Variants in AMACR observed in about 807,000 individuals in gnomAD.
AMACR encodes the protein alpha-methylacyl-CoA racemase, also known as 2-methylacyl-CoA racemase.
AMACR carries 18 observed loss-of-function variants against 22.2 expected under a neutral mutation model. The observed-to-expected ratio is 0.81, with a 90% confidence interval of 0.56 to 1.20. The LOEUF is 1.20. AMACR is among the 50% of genes most tolerant of loss of function. The pLI is 0.00. For synonymous variants in AMACR, 213 were observed against 191.3 expected (o/e 1.11, Z -0.94); for missense variants, 499 against 490.6 (o/e 1.02, Z -0.16).
chr5:34,005,950 G>C, intron 1 of AMACR, 51 bp from the exon 2 acceptor site: 1 of 1,598,600 alleles, frequency 6.3e-7, no homozygotes, highest in Non-Finnish European at 8.6e-7. Flanking sequence ...TGAGGATGGA[G>C]ATAATCCCTT....
In AMACR at chr5:33,987,527, C is replaced by A. The variant is rs1013155032; in HGVS notation, c.*1566G>T. The stretch of plus-strand genomic sequence containing the variant: ...GAAACTCAACATCTGTCAGACATCA[C>A]GTGAACTACTAGTGAGGTAGTTCAT... On this transcript the variant is annotated 3_prime_UTR_variant, in exon 5 of 5. Coordinates refer to ENST00000335606, the MANE Select transcript of AMACR (RefSeq NM_014324.6). The A allele has an allele frequency of 6.6e-6, 1 of 152,194 alleles. No homozygotes were observed. Among genetic ancestry groups the A allele is most frequent in the Non-Finnish European group, 1.5e-5 (1 of 68,038 alleles). The allele number at this position is 152,194 out of a possible 1,614,324, so 9.4% of individuals were successfully genotyped here. A position where few individuals can be genotyped will look rare whatever the true frequency, so the allele number is the denominator to read the frequency against.
In AMACR at chr5:34,005,768, A is replaced by T; in HGVS notation, c.379T>A (p.Leu127Met). 6.2e-7 allele frequency: 1 copy of T among 1,614,192 alleles called. No individual in the cohort carries two copies. Among genetic ancestry groups the T allele is most frequent in the Non-Finnish European group, 8.5e-7 (1 of 1,180,044 alleles). Residue 127 changes from leucine to methionine, a missense_variant, in exon 2 of 5, where the codon TTG becomes ATG. By Grantham distance (15) the Leu-to-Met change is conservative. Transcript: ENST00000335606. ...CRLAGHDINY[L>M]ALSGVLSKIG... ...TTTTTCAACATACCTGACAAAGCCA[A>T]ATAGTTGATATCGTGGCCAGCTAAC...
intron 4 of AMACR, 31 bp downstream of exon 4, chr5:33,998,610 G>C: frequency 6.4e-7 from 1 of 1,572,404 alleles, no homozygotes; most frequent in South Asian, 1.2e-5. Flanking sequence ...AGCAAAAGGG[G>C]AACTGGGGGA....
chr5:34,005,786 C>A lies in AMACR; in HGVS notation c.361G>T (p.Gly121Cys). The change falls in exon 2 of 5, where the codon GGC (glycine) becomes TGC (cysteine). Residue 121 changes from glycine (G) to cysteine (C), a missense_variant. Transcript: ENST00000335606. ...AAAGCCAAATAGTTGATATCGTGGC[C>A]AGCTAACCGGCAGAAGCTTCCTGAC... is the stretch of plus-strand genomic sequence containing the variant. ...GQSGSFCRLAGHDINYLALSG... is the reference protein window; with the variant it reads ...GQSGSFCRLACHDINYLALSG... 1 of 1,614,012 alleles carries A rather than the reference C, an allele frequency of 6.2e-7. No individual in the cohort carries two copies. The highest frequency in any genetic ancestry group is 8.5e-7 in the Non-Finnish European group (1 of 1,180,020).
intron 4 of AMACR, chr5:33,997,005 T>C: frequency 1.6e-6 from 1 of 628,030 alleles, no homozygotes; most frequent in Non-Finnish European, 2.9e-6. Context: ...GTATTTTTTT[T>C]TAATTTTACA....
Position 33,988,539 on chromosome 5 carries a change from T to C in AMACR, c.*554A>G. On this transcript the variant is annotated 3_prime_UTR_variant, in exon 5 of 5. Coordinates refer to ENST00000335606, the MANE Select transcript of AMACR (RefSeq NM_014324.6). The stretch of plus-strand genomic sequence containing the variant: ...GATATGTTTTTTTCAGTTGAAGGCA[T>C]TCTGATTCAATACAGGTGAAACTTT... 1 of 1,392,280 alleles carries C rather than the reference T, an allele frequency of 7.2e-7. No individual in the cohort carries two copies. The highest frequency in any genetic ancestry group is 1.8e-5 in the South Asian group (1 of 56,886). 86.2% of individuals were successfully genotyped at this position (1,392,280 alleles called of 1,614,324 possible). A position where few individuals can be genotyped will look rare whatever the true frequency, so the allele number is the denominator to read the frequency against.
chr5:33,991,334 T>A lies in AMACR; in HGVS notation c.740-1832A>T, dbSNP rs191172875. On this transcript the variant is annotated intron_variant, in intron 4 of 4. Coordinates refer to ENST00000335606, the MANE Select transcript of AMACR (RefSeq NM_014324.6). ...GCCACAGGATTAAACACCAATGGTTTAAGGTGAGCTGTTTGCTGTGCTCCT... is the reference window on the plus strand; with the variant it reads ...GCCACAGGATTAAACACCAATGGTTAAAGGTGAGCTGTTTGCTGTGCTCCT... Among the ~76,000 whole-genome samples, 306 of 152,260 alleles carry A rather than the reference T, an allele frequency of 2.0e-3. 2 individuals carry two copies. Among genetic ancestry groups the A allele is most frequent in the Non-Finnish European group, 3.2e-3 (219 of 68,018 alleles).
intron 3 of AMACR, among the ~76,000 whole-genome samples, chr5:34,001,539 T>G (rs890537181): frequency 6.6e-6 from 1 of 152,204 alleles, no homozygotes; most frequent in Non-Finnish European, 1.5e-5. Flanking sequence ...TCACAGCTCA[T>G]TATGTAAGAG....
intron 4 of AMACR, among the ~76,000 whole-genome samples, chr5:33,993,000 C>A (rs1434524060): frequency 1.3e-5 from 2 of 152,088 alleles, no homozygotes; most frequent in Non-Finnish European, 2.9e-5. Flanking sequence ...CTATCACCAC[C>A]ATCCATCTGT....
At position 33,988,611 on chromosome 5, in the gene AMACR, G is replaced by A. The variant is rs1278967889; in HGVS notation, c.*482C>T. 1.5e-6 allele frequency: 2 copies of A among 1,305,658 alleles called. No homozygotes were observed. Among genetic ancestry groups the A allele is most frequent in the South Asian group, 2.0e-5 (1 of 49,822 alleles). The allele number at this position is 1,305,658 out of a possible 1,614,324, so 80.9% of individuals were successfully genotyped here. On this transcript the variant is annotated 3_prime_UTR_variant, in exon 5 of 5. Coordinates refer to ENST00000335606, the MANE Select transcript of AMACR (RefSeq NM_014324.6). ...GATAACTGTTGCTAAAGTTTGGAAT[G>A]TGCTTAGAGGGAGATCATGAACACC...
In AMACR at chr5:33,988,983, T is replaced by G; in HGVS notation, c.*110A>C. On this transcript the variant is annotated 3_prime_UTR_variant, in exon 5 of 5. Transcript: ENST00000335606. Reference sequence around the variant, plus strand: ...TCTGTAATTCTTTTCTTGATTAGAGTGGTAGGACACTGTAATACTGTTCCT... The same window carrying G: ...TCTGTAATTCTTTTCTTGATTAGAGGGGTAGGACACTGTAATACTGTTCCT... 7 of 1,551,026 alleles carry G rather than the reference T, an allele frequency of 4.5e-6. No homozygotes were observed. The highest frequency in any genetic ancestry group is 6.1e-6 in the Non-Finnish European group (7 of 1,149,078).
chr5:33,991,579 C>T (rs1348539462), intron 4 of AMACR, among the ~76,000 whole-genome samples: 1 of 152,076 alleles, frequency 6.6e-6, no homozygotes, highest in Admixed American at 6.6e-5. Context: ...CATACACACA[C>T]ACACACACGT....
chr5:33,997,451 G>A (rs780916460), intron 4 of AMACR: 65 of 778,758 alleles, frequency 8.3e-5, no homozygotes, highest in South Asian at 7.9e-4. Flanking sequence ...TCACACTGAC[G>A]AGGGTTTGCC....
chr5:33,995,531 CTTAA>C (rs938076482), intron 4 of AMACR, among the ~76,000 whole-genome samples: 6 of 152,302 alleles, frequency 3.9e-5, no homozygotes, highest in African/African-American at 1.4e-4. Context: ...TGCATAAGTG[CTTAA>C]TTAAGATGGA....
rs1753709515 is a variant in AMACR, at chr5:33,998,555, T to C, written c.739+86A>G. 5.0e-6 allele frequency: 7 copies of C among 1,403,730 alleles called. No homozygotes were observed. The South Asian group carries it at 1.0e-4, about 20-fold the overall frequency. 87.0% of individuals were successfully genotyped at this position (1,403,730 alleles called of 1,614,324 possible). Reference sequence around the variant, plus strand: ...GAAAGTGGCTATATAATAAAAGACATCCTAGATGCCAAAAGTCTTTAAAAT... The same window carrying C: ...GAAAGTGGCTATATAATAAAAGACACCCTAGATGCCAAAAGTCTTTAAAAT... On this transcript the variant is annotated intron_variant, in intron 4 of 4. Transcript: ENST00000335606.
chr5:33,994,442 G>A (rs780258622), intron 4 of AMACR, among the ~76,000 whole-genome samples: 8 of 152,154 alleles, frequency 5.3e-5, no homozygotes, highest in Non-Finnish European at 7.3e-5. Flanking sequence ...GCCTCCCAAA[G>A]TGCTGGGATT....
chr5:34,001,392 A>G (rs1243008509), intron 3 of AMACR, among the ~76,000 whole-genome samples: 1 of 152,234 alleles, frequency 6.6e-6, no homozygotes, highest in East Asian at 1.9e-4. Context: ...ATTGGTTACA[A>G]GTGGGCCTTT....
chr5:34,007,821 G>A lies in AMACR; in HGVS notation c.199C>T (p.Arg67Trp). The A allele has an allele frequency of 1.6e-5, 25 of 1,576,898 alleles. No homozygotes were observed. Among genetic ancestry groups the A allele is most frequent in the Non-Finnish European group, 2.1e-5 (25 of 1,165,382 alleles). The part of the protein sequence containing the change: ...LKQPRGAAVL[R>W]RLCKRSDVLL... ...ACATCCGACCGCTTGCACAGACGCC[G>A]CAGCACGGCGGCTCCCCGCGGCTGC... Residue 67 changes from arginine (R) to tryptophan (W), a missense_variant, in exon 1 of 5, where the codon CGG becomes TGG. Coordinates refer to ENST00000335606, the MANE Select transcript of AMACR (RefSeq NM_014324.6).
chr5:33,988,830 A>G lies in AMACR; in HGVS notation c.*263T>C. On this transcript the variant is annotated 3_prime_UTR_variant, in exon 5 of 5. Coordinates refer to ENST00000335606, the MANE Select transcript of AMACR (RefSeq NM_014324.6). ...ATATAAGTCAAGAATCTTAATATCAACAAATATATCAAGCAAACTGGAAGG... is the reference window on the plus strand; with the variant it reads ...ATATAAGTCAAGAATCTTAATATCAGCAAATATATCAAGCAAACTGGAAGG... 1 of 1,316,858 alleles carries G rather than the reference A, an allele frequency of 7.6e-7. No homozygotes were observed. The highest frequency in any genetic ancestry group is 9.7e-7 in the Non-Finnish European group (1 of 1,033,296). 81.6% of individuals were successfully genotyped at this position (1,316,858 alleles called of 1,614,324 possible).
Sources: gnomAD v4.1 joint callset for allele counts (sites outside exome capture counted in the v4.1 genomes callset) on GRCh38, gnomAD v4.1.1 for gene constraint, MANE v1.5 for transcripts, NCBI Gene and HGNC (gene_info 2026-07-23, HGNC 2026-07-21) for gene names.